Variants in STPG2 observed in about 807,000 individuals in gnomAD.
STPG2 encodes sperm tail PG-rich repeat containing 2, also known as sperm-tail PG-rich repeat-containing protein 2.
A neutral mutation model predicts 54.2 loss-of-function variants in STPG2; 56 were observed. That is an observed-to-expected ratio of 1.03 (90% confidence interval 0.83 to 1.29). The LOEUF (loss-of-function observed/expected upper bound fraction) is 1.29. STPG2 is among the 50% of genes most tolerant of loss of function. The pLI, the probability that STPG2 is intolerant of heterozygous loss-of-function variation, is 0.00. For synonymous variants in STPG2, 200 were observed against 181.8 expected (o/e 1.10, Z -0.81); for missense variants, 596 against 544.9 (o/e 1.09, Z -0.93).
intron 5 of STPG2, among the ~76,000 whole-genome samples, chr4:98,008,471 T>A (rs1421130155): frequency 6.6e-6 from 1 of 151,542 alleles, no homozygotes; most frequent in Non-Finnish European, 1.5e-5. Context: ...AAACAAAAAG[T>A]CAATACTCAC....
At chr4:97,924,930 G>A (rs1732278996) in intron 8 of STPG2, among the ~76,000 whole-genome samples, 1 of 152,158 alleles carries the variant, frequency 6.6e-6, no homozygotes, top group Non-Finnish European at 1.5e-5. Context: ...GGATGCCATA[G>A]ATGCAGCAGC....
intron 8 of STPG2, among the ~76,000 whole-genome samples, chr4:97,935,693 T>C (rs555405904): frequency 1.3e-5 from 2 of 152,302 alleles, no homozygotes; most frequent in African/African-American, 4.8e-5. Context: ...CGGTTTTTAA[T>C]GAGTTTCCTA....
At chr4:97,925,364 T>C (rs1160372444) in intron 8 of STPG2, among the ~76,000 whole-genome samples, 6 of 152,200 alleles carry the variant, frequency 3.9e-5, no homozygotes, top group Non-Finnish European at 1.5e-5. Flanking sequence ...TTTTCTGAGC[T>C]AATGAAGTTA....
chr4:98,134,539 A>C, intron 1 of STPG2, 80 bp from the exon 2 acceptor site: 1 of 639,676 alleles, frequency 1.6e-6, no homozygotes, highest in Non-Finnish European at 2.5e-6. Context: ...AATATATATA[A>C]TCATGAGTAT....
chr4:98,007,397 C>T (rs1238573795), intron 5 of STPG2, among the ~76,000 whole-genome samples: 1 of 152,082 alleles, frequency 6.6e-6, no homozygotes, highest in African/African-American at 2.4e-5. Context: ...CCAAACATAC[C>T]CAGAAGCAAA....
At chr4:97,710,544 T>A (rs576516142) in intron 10 of STPG2, among the ~76,000 whole-genome samples, 61 of 152,192 alleles carry the variant, frequency 4.0e-4, no homozygotes, top group Non-Finnish European at 7.1e-4. Context: ...TTTTCAAGTA[T>A]AACTGAATTG....
intron 1 of STPG2, among the ~76,000 whole-genome samples, chr4:98,135,896 A>G (rs1740121148): frequency 6.6e-6 from 1 of 151,806 alleles, no homozygotes; most frequent in South Asian, 2.1e-4. Flanking sequence ...CCAAATACAT[A>G]TATAAATACA....
chr4:98,112,139 G>A (rs1739381762), intron 3 of STPG2, among the ~76,000 whole-genome samples: 2 of 152,006 alleles, frequency 1.3e-5, no homozygotes, highest in African/African-American at 4.8e-5. Context: ...CACATATATA[G>A]TTATGTACCA....
intron 9 of STPG2, among the ~76,000 whole-genome samples, chr4:97,788,960 C>T (rs1726910934): frequency 6.6e-6 from 1 of 151,900 alleles, no homozygotes; most frequent in Non-Finnish European, 1.5e-5. Flanking sequence ...ATTAGTCTTT[C>T]ATTTTATTTT....
chr4:98,075,710 C>T (rs1242607217), intron 5 of STPG2, among the ~76,000 whole-genome samples: 4 of 152,044 alleles, frequency 2.6e-5, no homozygotes, highest in Non-Finnish European at 5.9e-5. Context: ...ACCATTCTTT[C>T]TAAGATACTT....
chr4:97,529,990 C>T (rs1275865525), intron 4 of STPG2, among the ~76,000 whole-genome samples: 1 of 151,542 alleles, frequency 6.6e-6, no homozygotes, highest in Admixed American at 6.6e-5. Context: ...TTTTCTTCCC[C>T]CTTCACTAGT....
chr4:97,589,523 TA>T (rs1463984490), intron 10 of STPG2, among the ~76,000 whole-genome samples: 1 of 152,194 alleles, frequency 6.6e-6, no homozygotes, highest in African/African-American at 2.4e-5. Flanking sequence ...ATTAAATACT[TA>T]ACCATACGAC....
At position 97,559,135 on chromosome 4, in the gene STPG2, G is replaced by T. The variant is rs755282286; in HGVS notation, c.1321-18C>A. On this transcript the variant is annotated intron_variant, in intron 10 of 10. Coordinates refer to ENST00000295268, the MANE Select transcript of STPG2 (RefSeq NM_174952.3). Reference sequence around the variant, plus strand: ...TGGGATATCTGTTTAATAAGAATGAGAAAAAAAGGAGGAAAACATCTACTT... The same window carrying T: ...TGGGATATCTGTTTAATAAGAATGATAAAAAAAGGAGGAAAACATCTACTT... The T allele has an allele frequency of 2.1e-5, 32 of 1,493,696 alleles. 1 individual carries two copies. In the South Asian group the frequency reaches 3.0e-4, roughly 14 times the overall value. 92.5% of individuals were successfully genotyped at this position (1,493,696 alleles called of 1,614,324 possible). A position where few individuals can be genotyped will look rare whatever the true frequency, so the allele number is the denominator to read the frequency against.
At chr4:97,627,800 C>T (rs572051045) in intron 10 of STPG2, among the ~76,000 whole-genome samples, 42 of 152,136 alleles carry the variant, frequency 2.8e-4, no homozygotes, top group African/African-American at 9.9e-4. Context: ...CTAAGAAGTA[C>T]CATGATCTGC....
chr4:98,041,438 C>T (rs185307970), intron 5 of STPG2, among the ~76,000 whole-genome samples: 8 of 151,570 alleles, frequency 5.3e-5, no homozygotes, highest in Admixed American at 3.3e-4. Context: ...TTTAACCTTT[C>T]TCCATTCTGT....
At chr4:97,581,577 C>T (rs1037839287) in intron 10 of STPG2, among the ~76,000 whole-genome samples, 3 of 152,060 alleles carry the variant, frequency 2.0e-5, no homozygotes, top group African/African-American at 7.2e-5. Flanking sequence ...ATTAATTACA[C>T]TATAAAGTCT....
intron 10 of STPG2, among the ~76,000 whole-genome samples, chr4:97,701,546 C>T (rs1723774741): frequency 6.6e-6 from 1 of 152,126 alleles, no homozygotes; most frequent in Non-Finnish European, 1.5e-5. Context: ...TGGGGTCCTC[C>T]CTCAAGGGGA....
chr4:97,667,873 A>C (rs1722575537), intron 10 of STPG2, among the ~76,000 whole-genome samples: 1 of 152,210 alleles, frequency 6.6e-6, no homozygotes, highest in Non-Finnish European at 1.5e-5. Context: ...ATATGCTGAA[A>C]GATACAATGG....
chr4:98,001,242 T>A (rs1028194873), intron 5 of STPG2, among the ~76,000 whole-genome samples: 1 of 151,848 alleles, frequency 6.6e-6, no homozygotes, highest in Non-Finnish European at 1.5e-5. Context: ...TATAAGGCTT[T>A]TGTACTCAAA....
Sources: gnomAD v4.1 joint callset for allele counts (sites outside exome capture counted in the v4.1 genomes callset) on GRCh38, gnomAD v4.1.1 for gene constraint, MANE v1.5 for transcripts, NCBI Gene and HGNC (gene_info 2026-07-23, HGNC 2026-07-21) for gene names.